LMNTD1: variants seen among roughly 807,000 people sequenced by gnomAD.
LMNTD1 encodes the protein lamin tail domain containing 1.
LMNTD1 carries 35 observed loss-of-function variants against 50.9 expected under a neutral mutation model. The ratio of observed to expected loss-of-function variants is 0.69; its 90% CI spans 0.53 to 0.91. LMNTD1 has a LOEUF of 0.91. Among genes scored for constraint, LMNTD1 ranks in the 40% least tolerant of loss-of-function variants. The pLI, the probability that LMNTD1 is intolerant of heterozygous loss-of-function variation, is 0.00. For missense variants in LMNTD1, 470 were observed against 475.5 expected (o/e 0.99, Z 0.11); for synonymous variants, 153 against 161.9 (o/e 0.94, Z 0.42).
At chr12:25,519,344 C>A (rs950734903) in intron 7 of LMNTD1, among the ~76,000 whole-genome samples, 2 of 139,654 alleles carry the variant, frequency 1.4e-5, no homozygotes, top group Non-Finnish European at 3.1e-5. Context: ...GTAATCCCAG[C>A]ACTTTGGGAG....
intron 1 of LMNTD1, among the ~76,000 whole-genome samples, chr12:25,586,473 A>C (rs754436492): frequency 1.2e-4 from 18 of 152,096 alleles, no homozygotes; most frequent in Non-Finnish European, 2.1e-4. Context: ...AGTAGCAAAA[A>C]CTGCCAGTTG....
intron 2 of LMNTD1, among the ~76,000 whole-genome samples, chr12:25,551,959 A>G (rs829052): frequency 0.62 from 93,802 of 152,002 alleles, 30,267 homozygotes; most frequent in Non-Finnish European, 0.71. Flanking sequence ...TAGCATTTCA[A>G]TGTTACTTTG....
intron 9 of LMNTD1, among the ~76,000 whole-genome samples, chr12:25,501,800 T>G (rs1362127337): frequency 6.6e-6 from 1 of 152,124 alleles, no homozygotes; most frequent in Non-Finnish European, 1.5e-5. Flanking sequence ...CTCTGAACAA[T>G]TTTCCACAAA....
chr12:25,614,984 T>A (rs1422635613), intron 1 of LMNTD1, among the ~76,000 whole-genome samples: 3 of 152,158 alleles, frequency 2.0e-5, no homozygotes, highest in Non-Finnish European at 4.4e-5. Flanking sequence ...TAAGGCCCAA[T>A]CTAATGACAT....
At chr12:25,486,431 A>G (rs2076104532) in intron 9 of LMNTD1, among the ~76,000 whole-genome samples, 2 of 150,472 alleles carry the variant, frequency 1.3e-5, no homozygotes, top group South Asian at 4.3e-4. Flanking sequence ...TTCTAGATAT[A>G]CAATCATGTC....
At chr12:25,638,699 C>A (rs1946887179) in intron 1 of LMNTD1, among the ~76,000 whole-genome samples, 1 of 152,000 alleles carries the variant, frequency 6.6e-6, no homozygotes, top group South Asian at 2.1e-4. Flanking sequence ...ATAAATGGAA[C>A]ACATTGCATG....
rs891570793 is a variant in LMNTD1, at chr12:25,560,070, G to T, written c.59-13516C>A. ...AATTAGATCCCATTTGTCAATTTTG[G>T]CTTTTGTTGCCATTGCTTTTGGTGT... On this transcript the variant is annotated intron_variant, in intron 1 of 7. Coordinates refer to the LMNTD1 transcript ENST00000445693. Among the ~76,000 whole-genome samples the T allele has an allele frequency of 3.7e-4, 57 of 152,202 alleles. 1 individual carries two copies. The highest frequency in any genetic ancestry group is 6.8e-3 in the Middle Eastern group (2 of 294).
intron 8 of LMNTD1, among the ~76,000 whole-genome samples, chr12:25,507,396 A>G (rs1456023843): frequency 6.6e-6 from 1 of 152,218 alleles, no homozygotes; most frequent in African/African-American, 2.4e-5. Flanking sequence ...CCAATAGCCT[A>G]TTAAGGGAAA....
chr12:25,618,187 C>T (rs1204191342), intron 1 of LMNTD1, among the ~76,000 whole-genome samples: 3 of 152,174 alleles, frequency 2.0e-5, no homozygotes, highest in Non-Finnish European at 4.4e-5. Flanking sequence ...TGGGATTTTA[C>T]TCACAATGGA....
chr12:25,477,762 A>G (rs1444236347), intron 9 of LMNTD1, among the ~76,000 whole-genome samples: 1 of 152,092 alleles, frequency 6.6e-6, no homozygotes, highest in African/African-American at 2.4e-5. Flanking sequence ...GGTAATAGTA[A>G]GGGATACCAT....
intron 1 of LMNTD1, among the ~76,000 whole-genome samples, chr12:25,584,455 G>C (rs1425533244): frequency 6.6e-6 from 1 of 152,130 alleles, no homozygotes; most frequent in Non-Finnish European, 1.5e-5. Flanking sequence ...CCTATATGAT[G>C]TTTTGACTTT....
intron 9 of LMNTD1, among the ~76,000 whole-genome samples, chr12:25,484,765 T>C (rs1321109665): frequency 6.8e-6 from 1 of 146,740 alleles, no homozygotes; most frequent in Non-Finnish European, 1.5e-5. Context: ...TTTGGTTTTT[T>C]CTTCTTGCGA....
At chr12:25,644,568 C>T (rs1947025710) in intron 1 of LMNTD1, among the ~76,000 whole-genome samples, 1 of 151,944 alleles carries the variant, frequency 6.6e-6, no homozygotes. Flanking sequence ...CAAACAAAAA[C>T]AGAATCTTGA....
At chr12:25,570,828 G>T (rs761815251) in intron 1 of LMNTD1, among the ~76,000 whole-genome samples, 42 of 152,182 alleles carry the variant, frequency 2.8e-4, no homozygotes, top group Admixed American at 4.6e-4. Flanking sequence ...TCTTTAAAAG[G>T]CTCTGCAGTA....
intron 1 of LMNTD1, among the ~76,000 whole-genome samples, chr12:25,612,013 C>T (rs540362411): frequency 6.6e-6 from 1 of 152,230 alleles, no homozygotes; most frequent in South Asian, 2.1e-4. Context: ...AATTTCCATC[C>T]AGGGATAGAG....
At chr12:25,619,757 C>T (rs1946434194) in intron 1 of LMNTD1, among the ~76,000 whole-genome samples, 1 of 152,238 alleles carries the variant, frequency 6.6e-6, no homozygotes, top group African/African-American at 2.4e-5. Context: ...CTTCTCTGCT[C>T]ATCCCCCAGG....
chr12:25,643,320 G>T (rs962022465), intron 1 of LMNTD1, among the ~76,000 whole-genome samples: 5 of 152,124 alleles, frequency 3.3e-5, no homozygotes, highest in African/African-American at 1.2e-4. Context: ...GGTATTCAGG[G>T]GAAGCATCCA....
At chr12:25,485,190 T>C (rs1298051665) in intron 9 of LMNTD1, among the ~76,000 whole-genome samples, 2 of 144,622 alleles carry the variant, frequency 1.4e-5, no homozygotes, top group Non-Finnish European at 3.0e-5. Flanking sequence ...TTTTAATGAT[T>C]GCCATTCTAA....
intron 8 of LMNTD1, among the ~76,000 whole-genome samples, chr12:25,510,979 C>CA (rs1419046686): frequency 6.6e-6 from 1 of 152,030 alleles, no homozygotes; most frequent in East Asian, 1.9e-4. Context: ...ATATTAGGAG[C>CA]AAAAAACTCA....
Sources: gnomAD v4.1 joint callset for allele counts (sites outside exome capture counted in the v4.1 genomes callset) on GRCh38, gnomAD v4.1.1 for gene constraint, MANE v1.5 for transcripts, NCBI Gene and HGNC (gene_info 2026-07-23, HGNC 2026-07-21) for gene names.